The following DAGLA variants were observed in gnomAD, a reference collection of about 807,000 sequenced individuals.
DAGLA encodes diacylglycerol lipase alpha, also known as diacylglycerol lipase-alpha.
Under a neutral mutation model 102.6 loss-of-function variants are expected in DAGLA, and 22 were observed. The ratio of observed to expected loss-of-function variants is 0.21; its 90% CI spans 0.15 to 0.31. The LOEUF (loss-of-function observed/expected upper bound fraction) is 0.31, where lower values mean the gene tolerates loss of function less well. Among genes scored for constraint, DAGLA ranks in the 10% least tolerant of loss-of-function variants. The pLI is 1.00. For synonymous variants in DAGLA, 578 were observed against 628.9 expected, an observed-to-expected ratio of 0.92 and a Z score of 1.21; for missense variants, 927 against 1,446.6, an observed-to-expected ratio of 0.64 and a Z score of 5.83.
Position 61,744,818 on chromosome 11 carries a change from C to T in DAGLA, c.*329C>T. ...TGGCACCCCCTGCTCCAGGACAGGCCATGGGCAAGCTGCCTCCCATCACTG... is the reference window on the plus strand; with the variant it reads ...TGGCACCCCCTGCTCCAGGACAGGCTATGGGCAAGCTGCCTCCCATCACTG... On this transcript the variant is annotated 3_prime_UTR_variant, in exon 20 of 20. Transcript: ENST00000257215. The T allele has an allele frequency of 7.4e-6, 2 of 271,794 alleles. No homozygotes were observed. The highest frequency in any genetic ancestry group is 1.4e-5 in the Non-Finnish European group (2 of 142,944). The allele number at this position is 271,794 out of a possible 1,614,324, so 16.8% of individuals were successfully genotyped here. A position where few individuals can be genotyped will look rare whatever the true frequency, so the allele number is the denominator to read the frequency against.
At chr11:61,681,165 A>G (rs2064939454) in intron 1 of DAGLA, among the ~76,000 whole-genome samples, 1 of 152,076 alleles carries the variant, frequency 6.6e-6, no homozygotes, top group Non-Finnish European at 1.5e-5. Flanking sequence ...CTCACGGGCG[A>G]TGAAGGGGAC....
At chr11:61,707,849 A>G (rs1359995600) in intron 1 of DAGLA, among the ~76,000 whole-genome samples, 1 of 142,288 alleles carries the variant, frequency 7.0e-6, no homozygotes, top group East Asian at 2.5e-4. Context: ...GGTGGAGGGT[A>G]TGGGTGCTGG....
In DAGLA at chr11:61,739,610, C is replaced by T. The variant is rs938633570; in HGVS notation, c.1802C>T (p.Pro601Leu). 11 of 1,614,012 alleles carry T rather than the reference C, an allele frequency of 6.8e-6. No individual in the cohort carries two copies. Among genetic ancestry groups the T allele is most frequent in the South Asian group, 1.1e-5 (1 of 91,092 alleles). ...CTCTCAGCCAGCACTCCACTCTACCCGCCCGGCCGCATCATCCACGTGGTC... is the reference window on the plus strand; with the variant it reads ...CTCTCAGCCAGCACTCCACTCTACCTGCCCGGCCGCATCATCCACGTGGTC... ...IALSASTPLYPPGRIIHVVHN... is the reference protein window; with the variant it reads ...IALSASTPLYLPGRIIHVVHN... Residue 601 changes from proline (P) to leucine (L), a missense_variant, in exon 17 of 20, where the codon CCG (proline) becomes CTG (leucine). By Grantham distance (98) the Pro-to-Leu change is moderately conservative. Transcript: ENST00000257215.
At chr11:61,742,417 A>C (rs1207478504) in intron 19 of DAGLA, among the ~76,000 whole-genome samples, 1 of 152,168 alleles carries the variant, frequency 6.6e-6, no homozygotes, top group Non-Finnish European at 1.5e-5. Flanking sequence ...GGCCCTTGGT[A>C]GGGACAACTG....
At chr11:61,742,709 A>T (rs2065491002) in intron 19 of DAGLA, among the ~76,000 whole-genome samples, 1 of 152,098 alleles carries the variant, frequency 6.6e-6, no homozygotes, top group Non-Finnish European at 1.5e-5. Flanking sequence ...GGGTGGAACC[A>T]GTTGGGCAGC....
In DAGLA at chr11:61,684,748, T is replaced by C. The variant is rs1263846854; in HGVS notation, c.-45+4244T>C. ...CTGTGGGAAGTGAGGGCGGAGGGGGTGTGGAGCGCCTGGTGGTGTGGGAGC... is the reference window on the plus strand; with the variant it reads ...CTGTGGGAAGTGAGGGCGGAGGGGGCGTGGAGCGCCTGGTGGTGTGGGAGC... On this transcript the variant is annotated intron_variant, in intron 1 of 19. Coordinates refer to ENST00000257215, the MANE Select transcript of DAGLA (RefSeq NM_006133.3). This position sits in a 1 kb window ranked among gnomAD's most constrained non-coding sequence, Gnocchi z 4.5. 1.3e-5 allele frequency among the ~76,000 whole-genome samples: 2 copies of C among 151,236 alleles called. No homozygotes were observed. Among genetic ancestry groups the C allele is most frequent in the Middle Eastern group, 3.4e-3 (1 of 294 alleles).
At chr11:61,706,369 G>C (rs1432482798) in intron 1 of DAGLA, among the ~76,000 whole-genome samples, 2 of 152,226 alleles carry the variant, frequency 1.3e-5, no homozygotes, top group East Asian at 3.9e-4. Context: ...GCTGGCCAGG[G>C]CTCTGCTCCC....
rs550638476 is a variant in DAGLA at position 61,684,947 on chromosome 11, G to A, written c.-45+4443G>A. Among the ~76,000 whole-genome samples the A allele has an allele frequency of 5.5e-4, 83 of 152,160 alleles. No individual in the cohort carries two copies. Among genetic ancestry groups the A allele is most frequent in the African/African-American group, 1.8e-3 (76 of 41,488 alleles). ...GTTATGACTCTTTACATGAGGAGCC[G>A]AGTGCTTTCTCAGTATTCCTTAGAA... On this transcript the variant is annotated intron_variant, in intron 1 of 19. Transcript: ENST00000257215. This position sits in a 1 kb window ranked among gnomAD's most constrained non-coding sequence, Gnocchi z 4.5.
Position 61,685,810 on chromosome 11 carries a change from G to A in DAGLA, c.-45+5306G>A, listed in dbSNP as rs185367580. Among the ~76,000 whole-genome samples, 15 of 152,162 alleles carry A rather than the reference G, an allele frequency of 9.9e-5. No individual in the cohort carries two copies. The East Asian group carries it at 1.4e-3, about 14-fold the overall frequency. On this transcript the variant is annotated intron_variant, in intron 1 of 19. Transcript: ENST00000257215. The stretch of plus-strand genomic sequence containing the variant: ...TGCTTGTAGAGGAACTGGCAGCAAC[G>A]GGGGCGGGTTGGCGGGGTGACTGGT...
rs755039990 is a variant in DAGLA, at chr11:61,739,579, A to G, written c.1771A>G (p.Ile591Val). 1.9e-6 allele frequency: 3 copies of G among 1,613,796 alleles called. No individual in the cohort carries two copies. The highest frequency in any genetic ancestry group is 1.1e-5 in the South Asian group (1 of 91,060). The change falls in exon 17 of 20, where the codon ATA (isoleucine) becomes GTA (valine). Residue 591 changes from isoleucine to valine, a missense_variant. Around this residue, in one of 4 missense-constraint regions of DAGLA, gnomAD observed 218 missense variants for 459.6 expected, o/e 0.47. Transcript: ENST00000257215. ...RLWTHPSDLT[I>V]ALSASTPLYP... ...CTGGACCCACCCCAGCGACCTAACT[A>G]TAGCCCTCTCAGCCAGCACTCCACT...
intron 1 of DAGLA, among the ~76,000 whole-genome samples, chr11:61,694,882 A>G (rs547484333): frequency 6.6e-6 from 1 of 152,270 alleles, no homozygotes; most frequent in South Asian, 2.1e-4. Context: ...CCTGGTCTTC[A>G]GGAAGAACCA....
At chr11:61,723,715 T>C (rs946255568) in intron 5 of DAGLA, 143 bp downstream of exon 5, 2 of 984,658 alleles carry the variant, frequency 2.0e-6, no homozygotes, top group South Asian at 3.3e-5. Flanking sequence ...TCAAAGGGCT[T>C]AACTGCTCCC....
chr11:61,712,542 T>A (rs1364694115), intron 1 of DAGLA, among the ~76,000 whole-genome samples: 1 of 152,242 alleles, frequency 6.6e-6, no homozygotes, highest in Non-Finnish European at 1.5e-5. Context: ...ACCTATCTCA[T>A]GCTGAAATCT....
chr11:61,740,628 A>T (rs2065469899), intron 18 of DAGLA, 36 bp downstream of exon 18: 1 of 1,606,738 alleles, frequency 6.2e-7, no homozygotes, highest in African/African-American at 1.3e-5. Context: ...ACCAGGGAAT[A>T]AGGCACTGTC....
At chr11:61,698,326 T>A (rs934510460) in intron 1 of DAGLA, among the ~76,000 whole-genome samples, 6 of 152,244 alleles carry the variant, frequency 3.9e-5, no homozygotes, top group Admixed American at 3.9e-4. Context: ...GCAAGTTGGC[T>A]GGGAGACCTC....
rs776812701 is a variant in DAGLA, at chr11:61,728,197, G to A, written c.681G>A (p.Arg227=). Residue 227 remains arginine, a synonymous_variant, in exon 7 of 20, where the codon CGG becomes CGA. Transcript: ENST00000257215. ...EIAYLFAEFF[R]DLDIVPSDII... Reference sequence around the variant, plus strand: ...CCTACCTCTTTGCGGAGTTCTTCCGGGACCTTGACATTGTGCCATCCGACA... The same window carrying A: ...CCTACCTCTTTGCGGAGTTCTTCCGAGACCTTGACATTGTGCCATCCGACA... 1.2e-6 allele frequency: 2 copies of A among 1,614,148 alleles called. No individual in the cohort carries two copies. The highest frequency in any genetic ancestry group is 1.6e-4 in the Middle Eastern group (1 of 6,062).
At chr11:61,737,966 C>T (rs2065439705) in intron 15 of DAGLA, among the ~76,000 whole-genome samples, 169 bp from the exon 16 acceptor site, 1 of 152,178 alleles carries the variant, frequency 6.6e-6, no homozygotes, top group South Asian at 2.1e-4. Flanking sequence ...CACTCCTCAG[C>T]TCTGCTCTGG....
At position 61,738,215 on chromosome 11, in the gene DAGLA, C is replaced by A; in HGVS notation, c.1656+8C>A. ...CGAAGCACCAAGCCCAAAGTGAGCC[C>A]CCACCTGGGCACCCTGCCTCTGTGC... On this transcript the variant is annotated splice_region_variant and intron_variant, in intron 16 of 19. Coordinates refer to ENST00000257215, the MANE Select transcript of DAGLA (RefSeq NM_006133.3). 1 of 1,610,620 alleles carries A rather than the reference C, an allele frequency of 6.2e-7. No individual in the cohort carries two copies. Among genetic ancestry groups the A allele is most frequent in the Non-Finnish European group, 8.5e-7 (1 of 1,178,876 alleles).
intron 1 of DAGLA, among the ~76,000 whole-genome samples, chr11:61,685,230 A>G (rs2064978102): frequency 6.6e-6 from 1 of 152,148 alleles, no homozygotes; most frequent in Admixed American, 6.5e-5. Flanking sequence ...AACCTCCGAG[A>G]GCCGAATGGC....
Sources: gnomAD v4.1 joint callset for allele counts (sites outside exome capture counted in the v4.1 genomes callset) on GRCh38, gnomAD v4.1.1 for gene constraint, gnomAD v4.1.1 regional missense constraint, Gnocchi (gnomAD v3.1) non-coding constraint, MANE v1.5 for transcripts, NCBI Gene and HGNC (gene_info 2026-07-23, HGNC 2026-07-21) for gene names.